The following EPHA6 variants were observed in gnomAD, a reference collection of about 807,000 sequenced individuals.
The protein encoded by EPHA6 is EPH receptor A6.
EPHA6 carries 50 observed loss-of-function variants against 112.0 expected under a neutral mutation model. That is an observed-to-expected ratio of 0.45 (90% CI 0.36 to 0.56). EPHA6 has a LOEUF of 0.56. Ranked by LOEUF, EPHA6 falls within the 20% of genes least tolerant of loss-of-function variation. The pLI is 0.00. For missense variants in EPHA6, 1,280 were observed against 1,417.4 expected (o/e 0.90, Z 1.56); for synonymous variants, 529 against 490.7 (o/e 1.08, Z -1.03).
chr3:96,910,169 G>C (rs2039144165), intron 2 of EPHA6, among the ~76,000 whole-genome samples: 1 of 151,948 alleles, frequency 6.6e-6, no homozygotes, highest in Non-Finnish European at 1.5e-5. Context: ...AATTATATAA[G>C]ACAAGACAGG....
In EPHA6 at chr3:97,748,833, C is replaced by T. The variant is rs973557470; in HGVS notation, c.*132C>T. On this transcript the variant is annotated 3_prime_UTR_variant, in exon 18 of 18. Transcript: ENST00000389672. ...GTCTTCTGTTCAGACTATAGGCACACACCTTATGTTTATGCTTCCAACCAG... is the reference window on the plus strand; with the variant it reads ...GTCTTCTGTTCAGACTATAGGCACATACCTTATGTTTATGCTTCCAACCAG... The T allele has an allele frequency of 3.1e-6, 2 of 637,372 alleles. No homozygotes were observed. The highest frequency in any genetic ancestry group is 3.6e-5 in the African/African-American group (2 of 55,246). The allele number at this position is 637,372 out of a possible 1,614,324, so 39.5% of individuals were successfully genotyped here. A position where few individuals can be genotyped will look rare whatever the true frequency, so the allele number is the denominator to read the frequency against.
At chr3:97,328,022 T>C (rs1176393064) in intron 5 of EPHA6, among the ~76,000 whole-genome samples, 2 of 126,344 alleles carry the variant, frequency 1.6e-5, no homozygotes, top group African/African-American at 7.2e-5. Flanking sequence ...TGTGTATATA[T>C]GTATATGTGT....
intron 6 of EPHA6, among the ~76,000 whole-genome samples, chr3:97,413,831 T>C (rs2087911956): frequency 6.6e-6 from 1 of 151,980 alleles, no homozygotes. Flanking sequence ...TTACTAGTTT[T>C]TAAATATAAA....
At chr3:97,327,774 A>T (rs2108806231) in intron 5 of EPHA6, among the ~76,000 whole-genome samples, 1 of 151,278 alleles carries the variant, frequency 6.6e-6, no homozygotes, top group East Asian at 2.0e-4. Context: ...TTTGAGGTTC[A>T]TCGAAGTTGT....
intron 10 of EPHA6, among the ~76,000 whole-genome samples, chr3:97,493,339 A>G (rs2091899510): frequency 6.6e-6 from 1 of 151,832 alleles, no homozygotes; most frequent in Non-Finnish European, 1.5e-5. Context: ...GCACAAATTT[A>G]TTTTCTCACA....
intron 5 of EPHA6, among the ~76,000 whole-genome samples, chr3:97,325,284 A>G (rs1431310606): frequency 6.6e-6 from 1 of 152,106 alleles, no homozygotes. Context: ...TGGAATTCCA[A>G]GATAGAGGTG....
intron 3 of EPHA6, among the ~76,000 whole-genome samples, chr3:97,090,622 T>C (rs895061450): frequency 6.6e-6 from 1 of 152,100 alleles, no homozygotes; most frequent in African/African-American, 2.4e-5. Context: ...TTGCTTACAT[T>C]TGACAAGAGA....
At chr3:97,641,444 T>C (rs1202290049) in intron 14 of EPHA6, among the ~76,000 whole-genome samples, 2 of 152,194 alleles carry the variant, frequency 1.3e-5, no homozygotes, top group African/African-American at 2.4e-5. Context: ...GGAGCCAAGA[T>C]GGCTGAATAG....
intron 3 of EPHA6, among the ~76,000 whole-genome samples, chr3:97,183,190 T>G (rs1470167417): frequency 1.3e-5 from 2 of 152,176 alleles, no homozygotes; most frequent in Non-Finnish European, 2.9e-5. Context: ...GTGAATATTT[T>G]ATGCCCATTT....
intron 16 of EPHA6, among the ~76,000 whole-genome samples, chr3:97,742,649 C>T (rs977582963): frequency 6.6e-6 from 1 of 152,018 alleles, no homozygotes; most frequent in Non-Finnish European, 1.5e-5. Context: ...ATATATATTA[C>T]CCACAAGCAC....
chr3:96,827,543 A>G (rs2033742368), intron 1 of EPHA6, among the ~76,000 whole-genome samples: 1 of 152,114 alleles, frequency 6.6e-6, no homozygotes, highest in African/African-American at 2.4e-5. Flanking sequence ...TTCTGAAGAT[A>G]TGAAGTGTGC....
chr3:97,242,227 G>C (rs762019792), intron 4 of EPHA6, among the ~76,000 whole-genome samples: 11 of 151,722 alleles, frequency 7.3e-5, no homozygotes, highest in Non-Finnish European at 1.0e-4. Flanking sequence ...AATGAGCCTA[G>C]CAGTCCTGCA....
At chr3:97,243,806 A>T in intron 4 of EPHA6, 146 bp from the exon 5 acceptor site, 2 of 608,562 alleles carry the variant, frequency 3.3e-6, no homozygotes, top group Non-Finnish European at 5.6e-6. Flanking sequence ...AGCTATTTTA[A>T]CCATGTGATC....
chr3:97,358,315 A>G (rs1317794857), intron 5 of EPHA6, among the ~76,000 whole-genome samples: 1 of 152,070 alleles, frequency 6.6e-6, no homozygotes, highest in Non-Finnish European at 1.5e-5. Flanking sequence ...ATTTGAATTC[A>G]TACCAGCTTT....
intron 3 of EPHA6, among the ~76,000 whole-genome samples, chr3:97,180,756 C>T (rs1197138739): frequency 2.0e-5 from 3 of 152,072 alleles, no homozygotes; most frequent in African/African-American, 7.2e-5. Context: ...TTACACTTCC[C>T]TCTCCTCTCC....
At position 97,665,220 on chromosome 3, in the gene EPHA6, A is replaced by T. The variant is rs1364629435; in HGVS notation, c.2784+27138A>T. Among the ~76,000 whole-genome samples, 5 of 152,344 alleles carry T rather than the reference A, an allele frequency of 3.3e-5. No homozygotes were observed. In the East Asian group the frequency reaches 9.7e-4, roughly 29 times the overall value. Reference sequence around the variant, plus strand: ...CCTGACAAAAACAAGAAATGGGGAAAGGATTCCCTATTTAACAAATGGTGC... The same window carrying T: ...CCTGACAAAAACAAGAAATGGGGAATGGATTCCCTATTTAACAAATGGTGC... On this transcript the variant is annotated intron_variant, in intron 14 of 17. Coordinates refer to ENST00000389672, the MANE Select transcript of EPHA6 (RefSeq NM_001080448.3).
chr3:97,553,066 C>G (rs887879946), intron 11 of EPHA6, among the ~76,000 whole-genome samples: 4 of 152,146 alleles, frequency 2.6e-5, no homozygotes, highest in African/African-American at 7.2e-5. Context: ...GCCCCTACCA[C>G]AACCCATTCT....
intron 3 of EPHA6, among the ~76,000 whole-genome samples, chr3:97,210,868 T>C (rs1418845274): frequency 1.3e-5 from 2 of 152,166 alleles, no homozygotes; most frequent in Admixed American, 1.3e-4. Context: ...GACTGGAGGA[T>C]CTACATTCTA....
intron 2 of EPHA6, among the ~76,000 whole-genome samples, chr3:96,986,431 T>C (rs956242537): frequency 2.0e-5 from 3 of 152,128 alleles, no homozygotes; most frequent in African/African-American, 7.2e-5. Flanking sequence ...AGTGCCCACT[T>C]ATGCTCTTCC....
Sources: gnomAD v4.1 joint callset for allele counts (sites outside exome capture counted in the v4.1 genomes callset) on GRCh38, gnomAD v4.1.1 for gene constraint, MANE v1.5 for transcripts, NCBI Gene and HGNC (gene_info 2026-07-23, HGNC 2026-07-21) for gene names.